The following GSG1L variants were observed in gnomAD, a reference collection of about 807,000 sequenced individuals.
The protein encoded by GSG1L is germ cell-specific gene 1-like protein.
A neutral mutation model predicts 42.1 loss-of-function variants in GSG1L; 24 were observed. The ratio of observed to expected loss-of-function variants is 0.57; its 90% CI spans 0.41 to 0.80. The LOEUF is 0.80. Ranked by LOEUF, GSG1L falls within the 30% of genes least tolerant of loss-of-function variation. GSG1L has a pLI of 0.00. For missense variants in GSG1L, 445 were observed against 472.2 expected (o/e 0.94, Z 0.53); for synonymous variants, 215 against 203.5 (o/e 1.06, Z -0.48).
intron 2 of GSG1L, among the ~76,000 whole-genome samples, chr16:27,896,747 G>A (rs545567719): frequency 5.9e-5 from 9 of 152,286 alleles, no homozygotes; most frequent in East Asian, 3.9e-4. Context: ...GCAGTGATGC[G>A]GGGCCATGAG....
intron 5 of GSG1L, among the ~76,000 whole-genome samples, chr16:27,816,364 C>T (rs530273183): frequency 6.6e-6 from 1 of 152,272 alleles, no homozygotes; most frequent in African/African-American, 2.4e-5. Context: ...CTGCCCTTTG[C>T]CCCAGAAGAG....
chr16:27,951,174 G>C (rs541084591), intron 2 of GSG1L, among the ~76,000 whole-genome samples: 3 of 152,318 alleles, frequency 2.0e-5, no homozygotes, highest in African/African-American at 7.2e-5. Context: ...ACTGGCATCA[G>C]GTGAGCCAGC....
intron 4 of GSG1L, among the ~76,000 whole-genome samples, chr16:27,832,463 T>C (rs185771382): frequency 1.3e-5 from 2 of 152,338 alleles, no homozygotes; most frequent in East Asian, 3.9e-4. Context: ...ATAAATAAAA[T>C]CATACAGGAG....
intron 2 of GSG1L, among the ~76,000 whole-genome samples, chr16:27,958,991 C>A (rs1302011580): frequency 1.3e-5 from 2 of 151,776 alleles, no homozygotes; most frequent in Admixed American, 6.6e-5. Context: ...GTTAAAATTT[C>A]TATAACAAGT....
At chr16:28,001,748 GC>G (rs2085580329) in intron 1 of GSG1L, among the ~76,000 whole-genome samples, 1 of 152,162 alleles carries the variant, frequency 6.6e-6, no homozygotes, top group South Asian at 2.1e-4. Context: ...ACAGACACTG[GC>G]CCAGTGGATA....
intron 1 of GSG1L, among the ~76,000 whole-genome samples, chr16:28,062,204 C>T (rs1468933144): frequency 6.6e-6 from 1 of 152,210 alleles, no homozygotes; most frequent in Non-Finnish European, 1.5e-5. Context: ...TGTCCGGCAG[C>T]TGTCCCCTGG....
At chr16:27,800,011 A>C (rs899586416) in intron 6 of GSG1L, among the ~76,000 whole-genome samples, 2 of 152,114 alleles carry the variant, frequency 1.3e-5, no homozygotes, top group Admixed American at 6.5e-5. Flanking sequence ...CTCCTGAATC[A>C]GAAATTCTGA....
intron 6 of GSG1L, among the ~76,000 whole-genome samples, chr16:27,804,939 G>A (rs1488906528): frequency 2.4e-4 from 2 of 8,490 alleles, no homozygotes; most frequent in Non-Finnish European, 3.0e-4. Flanking sequence ...ACGGGGGGCT[G>A]GGATTGGGGG....
intron 1 of GSG1L, among the ~76,000 whole-genome samples, chr16:27,994,684 A>G (rs1037774394): frequency 6.6e-6 from 1 of 152,214 alleles, no homozygotes; most frequent in African/African-American, 2.4e-5. Flanking sequence ...ACTGTGAGTC[A>G]ATAAAAAAAA....
chr16:28,062,149 C>T (rs1035654600), intron 1 of GSG1L, among the ~76,000 whole-genome samples: 9 of 152,148 alleles, frequency 5.9e-5, no homozygotes, highest in Non-Finnish European at 2.9e-5. Flanking sequence ...CTCAGAGATA[C>T]CACGTCTTTC....
chr16:28,061,159 C>A (rs966117322), intron 1 of GSG1L, among the ~76,000 whole-genome samples: 5 of 152,194 alleles, frequency 3.3e-5, no homozygotes, highest in African/African-American at 1.2e-4. Context: ...GAAACACCTT[C>A]TTGAACTTGG....
rs2084120040 is a variant in GSG1L, at chr16:27,891,105, C to T, written c.398-6467G>A. ...GGGACGTACACCAACCTGCCCCCATCCCCAGAAGCAGCCGTCCCCCCGTGC... is the reference window on the plus strand; with the variant it reads ...GGGACGTACACCAACCTGCCCCCATTCCCAGAAGCAGCCGTCCCCCCGTGC... On this transcript the variant is annotated intron_variant, in intron 2 of 6. Coordinates refer to ENST00000447459, the MANE Select transcript of GSG1L (RefSeq NM_001109763.2). Among the ~76,000 whole-genome samples the T allele has an allele frequency of 2.0e-5, 3 of 152,248 alleles. No individual in the cohort carries two copies. The South Asian group carries it at 6.2e-4, about 32-fold the overall frequency.
At chr16:27,844,456 G>A (rs9921857) in intron 4 of GSG1L, among the ~76,000 whole-genome samples, 6,502 of 152,024 alleles carry the variant, frequency 0.043, 540 homozygotes, top group African/African-American at 0.15. Flanking sequence ...TCCATAGCAC[G>A]CCTCTTAGGC....
intron 1 of GSG1L, among the ~76,000 whole-genome samples, chr16:27,972,430 T>C (rs554584475): frequency 4.6e-5 from 7 of 152,256 alleles, no homozygotes; most frequent in Non-Finnish European, 1.0e-4. Context: ...ATTAATGAGC[T>C]AGGTATTAAA....
intron 1 of GSG1L, among the ~76,000 whole-genome samples, chr16:28,042,841 G>A (rs1057099692): frequency 2.0e-4 from 30 of 152,192 alleles, no homozygotes; most frequent in African/African-American, 7.0e-4. Flanking sequence ...TTGGCAGATC[G>A]GAAGATCAGA....
At chr16:27,886,098 A>G (rs545692916) in intron 2 of GSG1L, among the ~76,000 whole-genome samples, 1 of 152,260 alleles carries the variant, frequency 6.6e-6, no homozygotes, top group South Asian at 2.1e-4. Flanking sequence ...AACTCCAGTC[A>G]TTGGTTCAGG....
intron 2 of GSG1L, among the ~76,000 whole-genome samples, chr16:27,890,765 A>G (rs763910763): frequency 6.6e-6 from 1 of 152,248 alleles, no homozygotes; most frequent in Non-Finnish European, 1.5e-5. Context: ...GAGCTCAGAC[A>G]GGTGGGGGGC....
chr16:27,924,910 A>T (rs1252036712), intron 2 of GSG1L, among the ~76,000 whole-genome samples: 1 of 152,170 alleles, frequency 6.6e-6, no homozygotes, highest in Non-Finnish European at 1.5e-5. Flanking sequence ...ATCTCTTAAG[A>T]GTAAGAGACC....
intron 1 of GSG1L, among the ~76,000 whole-genome samples, chr16:27,995,883 AACACACACAC>A (rs3033625): frequency 1.3e-3 from 186 of 145,226 alleles, no homozygotes; most frequent in Non-Finnish European, 2.0e-3. Context: ...TACTGATTAA[AACACACACAC>A]ACACACACAC....
Sources: allele counts gnomAD v4.1 joint callset (sites outside exome capture counted in the v4.1 genomes callset), GRCh38; gene constraint gnomAD v4.1.1; transcripts MANE v1.5; gene names NCBI Gene and HGNC (gene_info 2026-07-23, HGNC 2026-07-21).